The following ATP2B2 variants were observed in gnomAD, a reference collection of about 807,000 sequenced individuals.
The protein encoded by ATP2B2 is plasma membrane calcium-transporting ATPase 2.
ATP2B2 carries 15 observed loss-of-function variants against 120.0 expected under a neutral mutation model. The observed-to-expected ratio is 0.12, with a 90% CI of 0.08 to 0.19. The LOEUF is 0.19. Among genes scored for constraint, ATP2B2 ranks in the 10% least tolerant of loss-of-function variants. The probability of loss-of-function intolerance (pLI) is 1.00; values close to 1 mark genes in which losing one functional copy is unlikely to be tolerated. For missense variants in ATP2B2, 1,045 were observed against 1,719.8 expected (o/e 0.61, Z 6.94); for synonymous variants, 694 against 700.3 (o/e 0.99, Z 0.14).
At chr3:10,500,660 G>C (rs758424807) in intron 1 of ATP2B2, among the ~76,000 whole-genome samples, 1 of 152,118 alleles carries the variant, frequency 6.6e-6, no homozygotes, top group Non-Finnish European at 1.5e-5. Flanking sequence ...TAGCTAGGGA[G>C]ACAAGGGACA....
intron 2 of ATP2B2, among the ~76,000 whole-genome samples, chr3:10,610,219 C>G (rs1479014100): frequency 6.6e-6 from 1 of 151,126 alleles, no homozygotes; most frequent in African/African-American, 2.4e-5. Flanking sequence ...GCCCACTATT[C>G]CAAGCTCTGG....
At chr3:10,602,608 C>T (rs989012610) in intron 2 of ATP2B2, among the ~76,000 whole-genome samples, 4 of 152,196 alleles carry the variant, frequency 2.6e-5, no homozygotes, top group African/African-American at 9.7e-5. Context: ...TAATGCTTAG[C>T]TCCTGTTGAT....
intron 2 of ATP2B2, among the ~76,000 whole-genome samples, chr3:10,426,622 A>G (rs1317038534): frequency 6.6e-6 from 1 of 152,228 alleles, no homozygotes; most frequent in African/African-American, 2.4e-5. Flanking sequence ...TGCAATCTCC[A>G]GCCTGGGCCT....
intron 2 of ATP2B2, among the ~76,000 whole-genome samples, chr3:10,574,683 A>G (rs1477799540): frequency 6.6e-6 from 1 of 152,214 alleles, no homozygotes; most frequent in Non-Finnish European, 1.5e-5. Flanking sequence ...ATTTAAAAGT[A>G]GTAATATCTA....
At chr3:10,380,160 A>C (rs1438779559) in intron 8 of ATP2B2, among the ~76,000 whole-genome samples, 3 of 152,122 alleles carry the variant, frequency 2.0e-5, no homozygotes, top group Non-Finnish European at 4.4e-5. Flanking sequence ...GCTGCCCCCC[A>C]CCGACTCATC....
At chr3:10,575,511 T>C (rs1366073089) in intron 2 of ATP2B2, among the ~76,000 whole-genome samples, 1 of 152,182 alleles carries the variant, frequency 6.6e-6, no homozygotes, top group African/African-American at 2.4e-5. Flanking sequence ...ATAGTGGTGA[T>C]GGTTGCACAA....
intron 5 of ATP2B2, among the ~76,000 whole-genome samples, chr3:10,388,881 G>C (rs907006614): frequency 1.6e-4 from 25 of 152,168 alleles, no homozygotes; most frequent in African/African-American, 5.1e-4. Flanking sequence ...CTGCTTGCTA[G>C]ATCTTGTTAT....
At chr3:10,341,490 T>C (rs1185559019) in intron 19 of ATP2B2, among the ~76,000 whole-genome samples, 1 of 152,142 alleles carries the variant, frequency 6.6e-6, no homozygotes, top group Non-Finnish European at 1.5e-5. Flanking sequence ...TTTGTATTTT[T>C]AGTAGAGATG....
chr3:10,499,962 G>A (rs1290234391), intron 1 of ATP2B2, among the ~76,000 whole-genome samples: 2 of 132,584 alleles, frequency 1.5e-5, no homozygotes, highest in South Asian at 2.4e-4. Flanking sequence ...TTGAGATAGA[G>A]TCTCACTCTG....
chr3:10,595,724 C>T (rs2068750227), intron 2 of ATP2B2, among the ~76,000 whole-genome samples: 1 of 152,178 alleles, frequency 6.6e-6, no homozygotes, highest in Non-Finnish European at 1.5e-5. Context: ...TTTTGAGAGC[C>T]ACCTGTAAAT....
At chr3:10,568,197 A>AGTC (rs1286480459) in intron 2 of ATP2B2, among the ~76,000 whole-genome samples, 6 of 152,152 alleles carry the variant, frequency 3.9e-5, no homozygotes, top group Non-Finnish European at 7.4e-5. Flanking sequence ...CACCAAGGAC[A>AGTC]GCTCGCTTAC....
intron 1 of ATP2B2, among the ~76,000 whole-genome samples, chr3:10,457,692 C>T (rs968838646): frequency 3.9e-5 from 6 of 152,070 alleles, no homozygotes; most frequent in African/African-American, 1.4e-4. Context: ...CACAAACTCT[C>T]ACAGTTGAGA....
chr3:10,356,735 C>T (rs1008474617), intron 14 of ATP2B2, among the ~76,000 whole-genome samples: 6 of 152,122 alleles, frequency 3.9e-5, no homozygotes, highest in African/African-American at 4.8e-5. Context: ...TTTTCAGTAA[C>T]GAGATAACAC....
chr3:10,665,449 A>G (rs1283344145), intron 1 of ATP2B2, among the ~76,000 whole-genome samples: 1 of 151,988 alleles, frequency 6.6e-6, no homozygotes, highest in Non-Finnish European at 1.5e-5. Flanking sequence ...GCATGCACCT[A>G]TCTCTCAGCA....
chr3:10,378,221 C>G (rs1380614120), intron 10 of ATP2B2, 31 bp downstream of exon 10: 1 of 1,599,706 alleles, frequency 6.3e-7, no homozygotes, highest in East Asian at 2.2e-5. Flanking sequence ...CCTGTGAGCC[C>G]TGTCCCCTGC....
At chr3:10,393,669 A>G (rs1312800860) in intron 5 of ATP2B2, among the ~76,000 whole-genome samples, 1 of 152,206 alleles carries the variant, frequency 6.6e-6, no homozygotes, top group Non-Finnish European at 1.5e-5. Flanking sequence ...GCTGCCAGCT[A>G]TCCCATGAGT....
At chr3:10,599,575 T>A (rs1451377982) in intron 2 of ATP2B2, among the ~76,000 whole-genome samples, 1 of 152,066 alleles carries the variant, frequency 6.6e-6, no homozygotes, top group African/African-American at 2.4e-5. Context: ...CGCCACCGAA[T>A]CTGACAGGGG....
intron 1 of ATP2B2, among the ~76,000 whole-genome samples, chr3:10,493,476 G>A (rs978666869): frequency 2.6e-5 from 4 of 152,146 alleles, no homozygotes; most frequent in Admixed American, 6.5e-5. Flanking sequence ...GGGGAATGAG[G>A]GTCAGACCCA....
intron 1 of ATP2B2, among the ~76,000 whole-genome samples, chr3:10,655,076 C>T (rs1020679230): frequency 1.3e-5 from 2 of 152,122 alleles, no homozygotes; most frequent in South Asian, 2.1e-4. Flanking sequence ...AGGAACTAGT[C>T]AATAAAAGCA....
Sources: gnomAD v4.1 joint callset for allele counts (sites outside exome capture counted in the v4.1 genomes callset) on GRCh38, gnomAD v4.1.1 for gene constraint, MANE v1.5 for transcripts, NCBI Gene and HGNC (gene_info 2026-07-23, HGNC 2026-07-21) for gene names.